CACNA1A: variants seen among roughly 807,000 people sequenced by gnomAD.
The protein encoded by CACNA1A is voltage-dependent P/Q-type calcium channel subunit alpha-1A.
In CACNA1A, 57 loss-of-function variants were observed where a neutral mutation model predicts 262.4. The observed-to-expected ratio is 0.22, with a 90% CI of 0.18 to 0.27. CACNA1A has a LOEUF of 0.27. CACNA1A is among the 10% of genes least tolerant of loss of function. CACNA1A has a pLI of 1.00. For missense variants in CACNA1A, 2,526 were observed against 3,562.8 expected (o/e 0.71, Z 7.41); for synonymous variants, 1,431 against 1,419.3 (o/e 1.01, Z -0.18).
At position 13,317,294 on chromosome 19, in the gene CACNA1A, T is replaced by C. The variant is rs1239292406; in HGVS notation, c.1373A>G (p.Lys458Arg). The part of the protein sequence containing the change: ...VGSPFARASI[K>R]SAKLENSTFF... ...GGTCGAGTTCTCCAGCTTGGCACTT[T>C]TAATGCTGGCTCGGGCGAAGGGAGA... The change falls in exon 11 of 47, where the codon AAA becomes AGA. Residue 458 changes from lysine to arginine, a missense_variant. Physicochemically the swap from Lys to Arg is conservative, Grantham distance 26 (BLOSUM62 2). Transcript: ENST00000360228. 4 of 1,608,238 alleles carry C rather than the reference T, an allele frequency of 2.5e-6. No individual in the cohort carries two copies. The highest frequency in any genetic ancestry group is 2.6e-6 in the Non-Finnish European group (3 of 1,175,038).
chr19:13,262,781 G>A lies in CACNA1A; in HGVS notation c.4042C>T (p.Arg1348Trp), dbSNP rs1064794858. Reference sequence around the variant, plus strand: ...ATGGTTTTAAGAGGTCGTAGCACCCGGAGGACTCGGAGGGATTTAATCGTG... The same window carrying A: ...ATGGTTTTAAGAGGTCGTAGCACCCAGAGGACTCGGAGGGATTTAATCGTG... ...INTIKSLRVL[R>W]VLRPLKTIKR... Residue 1348 changes from arginine to tryptophan, a missense_variant, in exon 25 of 47, where the codon CGG (arginine) becomes TGG (tryptophan). This residue lies in a region of CACNA1A where 137 missense variants were observed against 377.7 expected (regional missense o/e 0.36). Coordinates refer to ENST00000360228, the MANE Select transcript of CACNA1A (RefSeq NM_001127222.2). The A allele has an allele frequency of 1.2e-6, 2 of 1,613,574 alleles. No individual in the cohort carries two copies. The highest frequency in any genetic ancestry group is 1.7e-6 in the Non-Finnish European group (2 of 1,179,636).
chr19:13,289,646 G>A (rs898896210), intron 19 of CACNA1A, among the ~76,000 whole-genome samples: 1 of 152,052 alleles, frequency 6.6e-6, no homozygotes. Context: ...CCCATAACAT[G>A]CGGGCCGTAA....
Position 13,308,584 on chromosome 19 carries a change from G to A in CACNA1A, c.1669-56C>T, listed in dbSNP as rs1333675814. Reference sequence around the variant, plus strand: ...GGACAGTGTCTGGGCTCCAGAACTGGCAAGCATTTCCTAGGTACCAACCTT... The same window carrying A: ...GGACAGTGTCTGGGCTCCAGAACTGACAAGCATTTCCTAGGTACCAACCTT... On this transcript the variant is annotated intron_variant, in intron 12 of 46. Coordinates refer to ENST00000360228, the MANE Select transcript of CACNA1A (RefSeq NM_001127222.2). The surrounding 1 kb of genome is among the most constrained non-coding windows in gnomAD (Gnocchi z 4.2). 1 of 1,152,700 alleles carries A rather than the reference G, an allele frequency of 8.7e-7. No individual in the cohort carries two copies. Among genetic ancestry groups the A allele is most frequent in the Non-Finnish European group, 1.3e-6 (1 of 799,378 alleles). 71.4% of individuals were successfully genotyped at this position (1,152,700 alleles called of 1,614,324 possible).
intron 34 of CACNA1A, among the ~76,000 whole-genome samples, chr19:13,232,878 G>C (rs534669100): frequency 6.6e-6 from 1 of 150,776 alleles, no homozygotes; most frequent in Admixed American, 6.6e-5. Flanking sequence ...GCAAAACCCC[G>C]TCTCTACTAA....
intron 3 of CACNA1A, among the ~76,000 whole-genome samples, chr19:13,415,397 TGA>T (rs2060203039): frequency 6.6e-6 from 1 of 152,066 alleles, no homozygotes; most frequent in African/African-American, 2.4e-5. Flanking sequence ...AGAGCTAGAC[TGA>T]GAGGATGTTC....
In CACNA1A at chr19:13,207,904, C is replaced by T. The variant is rs1367685024; in HGVS notation, c.6930G>A (p.Gly2310=). Residue 2310 remains glycine, a synonymous_variant, in exon 47 of 47, where the codon GGG becomes GGA. Coordinates refer to ENST00000360228, the MANE Select transcript of CACNA1A (RefSeq NM_001127222.2). This position sits in a 1 kb window ranked among gnomAD's most constrained non-coding sequence, Gnocchi z 5.7. The part of the protein sequence containing the change: ...SPVIRKAGGS[G]PPQQQQQQQQ... Reference sequence around the variant, plus strand: ...GCTGCTGCTGCTGCTGCTGCGGGGGCCCCGAGCCGCCGGCCTTACGGATCA... The same window carrying T: ...GCTGCTGCTGCTGCTGCTGCGGGGGTCCCGAGCCGCCGGCCTTACGGATCA... 1 of 1,465,374 alleles carries T rather than the reference C, an allele frequency of 6.8e-7. No homozygotes were observed. 90.8% of individuals were successfully genotyped at this position (1,465,374 alleles called of 1,614,324 possible).
At position 13,389,436 on chromosome 19, in the gene CACNA1A, T is replaced by G. The variant is rs573183226; in HGVS notation, c.540-17657A>C. Among the ~76,000 whole-genome samples, 70 of 152,198 alleles carry G rather than the reference T, an allele frequency of 4.6e-4. No homozygotes were observed. The South Asian group carries it at 0.013, about 29-fold the overall frequency. ...TCCCTGGGATGGATGCCTGGGGACA[T>G]AAGCGCTGATGGTGCTGGACCTCAC... is the stretch of plus-strand genomic sequence containing the variant. On this transcript the variant is annotated intron_variant, in intron 3 of 46. Transcript: ENST00000360228.
rs546237298 is a variant in CACNA1A at position 13,365,207 on chromosome 19, G to C, written c.784+110C>G. On this transcript the variant is annotated intron_variant, in intron 5 of 46. Transcript: ENST00000360228. ...CTCTCCTGTAGTGCTCTCTGAAGGA[G>C]ACGGTCCTCCCAGCTGCCAGGAGAA... 8.2e-5 allele frequency: 75 copies of C among 918,704 alleles called. 2 individuals are homozygous for C. The South Asian group carries it at 1.2e-3, about 15-fold the overall frequency. 56.9% of individuals were successfully genotyped at this position (918,704 alleles called of 1,614,324 possible).
intron 1 of CACNA1A, among the ~76,000 whole-genome samples, chr19:13,490,879 AG>A (rs1980778437): frequency 3.1e-5 from 4 of 127,832 alleles, no homozygotes; most frequent in African/African-American, 8.9e-5. Context: ...GAAGGAAAGG[AG>A]GAAGGAAGGA....
intron 6 of CACNA1A, among the ~76,000 whole-genome samples, chr19:13,359,223 A>G (rs540693054): frequency 6.6e-6 from 1 of 152,330 alleles, no homozygotes; most frequent in Admixed American, 6.5e-5. Flanking sequence ...TGGCTGGAGA[A>G]GGACTGGGTG....
chr19:13,243,204 C>T (rs1483600149), intron 31 of CACNA1A, among the ~76,000 whole-genome samples: 1 of 152,206 alleles, frequency 6.6e-6, no homozygotes, highest in African/African-American at 2.4e-5. Context: ...GGTGGGGGCA[C>T]CCCAGTGGAG....
chr19:13,490,651 A>T (rs1372562729), intron 1 of CACNA1A, among the ~76,000 whole-genome samples: 1 of 149,382 alleles, frequency 6.7e-6, no homozygotes, highest in Non-Finnish European at 1.5e-5. Flanking sequence ...GGAAGGAAGG[A>T]AGGAGAAAGA....
At chr19:13,292,316 G>GA (rs998716553) in intron 19 of CACNA1A, among the ~76,000 whole-genome samples, 10 of 152,032 alleles carry the variant, frequency 6.6e-5, no homozygotes, top group African/African-American at 2.2e-4. Context: ...GAATAAAAAG[G>GA]AAAAAAATAT....
rs373895944 is a variant in CACNA1A, at chr19:13,416,864, G to A, written c.539+36012C>T. Among the ~76,000 whole-genome samples the A allele has an allele frequency of 1.6e-4, 24 of 151,938 alleles. 2 individuals carry two copies. The South Asian group carries it at 5.0e-3, about 32-fold the overall frequency. Reference sequence around the variant, plus strand: ...TTTAAAAAATCCAAAAATTAGCTGGGTATGGTGGTGCATGCCTGTAGCTAC... The same window carrying A: ...TTTAAAAAATCCAAAAATTAGCTGGATATGGTGGTGCATGCCTGTAGCTAC... On this transcript the variant is annotated intron_variant, in intron 3 of 46. Coordinates refer to ENST00000360228, the MANE Select transcript of CACNA1A (RefSeq NM_001127222.2).
intron 36 of CACNA1A, chr19:13,228,767 T>G: frequency 1.3e-6 from 2 of 1,598,266 alleles, no homozygotes; most frequent in Non-Finnish European, 1.7e-6. Context: ...CGTAATAAAC[T>G]GTACATATCC....
In CACNA1A at chr19:13,214,872, T is replaced by C; in HGVS notation, c.5732-264A>G. On this transcript the variant is annotated intron_variant, in intron 38 of 46. Coordinates refer to ENST00000360228, the MANE Select transcript of CACNA1A (RefSeq NM_001127222.2). This position sits in a 1 kb window ranked among gnomAD's most constrained non-coding sequence, Gnocchi z 4.1. ...CGGCATGGAGAACAGCTGGGCGACCTGGGTCCCAATCTTGTCTCCCAGTTA... is the reference window on the plus strand; with the variant it reads ...CGGCATGGAGAACAGCTGGGCGACCCGGGTCCCAATCTTGTCTCCCAGTTA... 1 of 491,176 alleles carries C rather than the reference T, an allele frequency of 2.0e-6. No individual in the cohort carries two copies. The highest frequency in any genetic ancestry group is 3.2e-5 in the South Asian group (1 of 30,830). 30.4% of individuals were successfully genotyped at this position (491,176 alleles called of 1,614,324 possible). A position where few individuals can be genotyped will look rare whatever the true frequency, so the allele number is the denominator to read the frequency against.
chr19:13,444,338 T>C (rs2060773317), intron 3 of CACNA1A, among the ~76,000 whole-genome samples: 1 of 152,066 alleles, frequency 6.6e-6, no homozygotes, highest in African/African-American at 2.4e-5. Flanking sequence ...AGAATGCTGG[T>C]TGTGTTTTGT....
At chr19:13,309,404 TAGG>T (rs2057971403) in intron 12 of CACNA1A, among the ~76,000 whole-genome samples, 1 of 151,478 alleles carries the variant, frequency 6.6e-6, no homozygotes, top group South Asian at 2.1e-4. Context: ...TGTCAACAAT[TAGG>T]AGAAGGCTAG....
At chr19:13,318,783 T>C (rs1238370191) in intron 10 of CACNA1A, among the ~76,000 whole-genome samples, 4 of 152,044 alleles carry the variant, frequency 2.6e-5, no homozygotes, top group Non-Finnish European at 5.9e-5. Context: ...ATGGATGAAT[T>C]GGTGAACCCC....
Sources: gnomAD v4.1 joint callset for allele counts (sites outside exome capture counted in the v4.1 genomes callset) on GRCh38, gnomAD v4.1.1 for gene constraint, gnomAD v4.1.1 regional missense constraint, Gnocchi (gnomAD v3.1) non-coding constraint, MANE v1.5 for transcripts, NCBI Gene and HGNC (gene_info 2026-07-23, HGNC 2026-07-21) for gene names.